METTL15: variants seen among roughly 807,000 people sequenced by gnomAD.
The protein encoded by METTL15 is methyltransferase 15, mitochondrial 12S rRNA N4-cytidine.
METTL15 carries 34 observed loss-of-function variants against 38.3 expected under a neutral mutation model. The ratio of observed to expected loss-of-function variants is 0.89; its 90% CI spans 0.68 to 1.18. METTL15 has a LOEUF of 1.18. METTL15 is among the 50% of genes most tolerant of loss of function. The pLI is 0.00. For missense variants in METTL15, 438 were observed against 498.4 expected (o/e 0.88, Z 1.15); for synonymous variants, 162 against 170.9 (o/e 0.95, Z 0.41).
At chr11:28,293,004 T>G (rs1206139664) in intron 5 of METTL15, among the ~76,000 whole-genome samples, 3 of 152,054 alleles carry the variant, frequency 2.0e-5, no homozygotes, top group African/African-American at 7.3e-5. Context: ...ATTCTGTAGG[T>G]TGCCTGTTCA....
At chr11:28,290,083 T>A (rs1049014070) in intron 4 of METTL15, 123 bp from the exon 5 acceptor site, 18 of 818,246 alleles carry the variant, frequency 2.2e-5, no homozygotes, top group Admixed American at 3.2e-5. Context: ...CACTAAGCAC[T>A]CAATAAATAT....
At position 28,156,056 on chromosome 11, in the gene METTL15, A is replaced by T. The variant is rs538637231; in HGVS notation, c.270+42452A>T. Among the ~76,000 whole-genome samples the T allele has an allele frequency of 2.0e-3, 298 of 152,258 alleles. 4 individuals carry two copies. The highest frequency in any genetic ancestry group is 7.0e-3 in the African/African-American group (289 of 41,562). On this transcript the variant is annotated intron_variant, in intron 3 of 6. Coordinates refer to ENST00000407364, the MANE Select transcript of METTL15 (RefSeq NM_001113528.2). Reference sequence around the variant, plus strand: ...AATAAATGTAAATTTCTTCTTTAAGATTAATATTTTGCTTGGAAAGTTTTG... The same window carrying T: ...AATAAATGTAAATTTCTTCTTTAAGTTTAATATTTTGCTTGGAAAGTTTTG...
At chr11:28,261,651 T>C (rs903252039) in intron 4 of METTL15, 5 of 152,198 alleles carry the variant, frequency 3.3e-5, no homozygotes, top group Admixed American at 6.5e-5. Flanking sequence ...ATACCACCCG[T>C]AACTGAAGAT....
intron 6 of METTL15, among the ~76,000 whole-genome samples, chr11:28,442,979 A>G (rs892540964): frequency 7.2e-5 from 11 of 152,210 alleles, no homozygotes; most frequent in African/African-American, 2.7e-4. Context: ...ATTTGCATAC[A>G]GTGAAATGCA....
chr11:28,248,192 T>C (rs984817945), intron 4 of METTL15, among the ~76,000 whole-genome samples: 1 of 152,096 alleles, frequency 6.6e-6, no homozygotes, highest in Non-Finnish European at 1.5e-5. Context: ...TTTCTTCTCT[T>C]TGCATAGTTG....
At chr11:28,484,603 A>C (rs1029623817) in intron 6 of METTL15, among the ~76,000 whole-genome samples, 4 of 152,020 alleles carry the variant, frequency 2.6e-5, no homozygotes, top group Non-Finnish European at 5.9e-5. Context: ...TTGGCTCTGC[A>C]TCATAGCTGT....
chr11:28,177,329 A>T (rs1045530734), intron 3 of METTL15, among the ~76,000 whole-genome samples: 11 of 152,004 alleles, frequency 7.2e-5, no homozygotes, highest in South Asian at 2.1e-4. Context: ...TTAGATTTTT[A>T]AAAAAAGTAC....
At chr11:28,161,122 T>TTG (rs1280887937) in intron 3 of METTL15, among the ~76,000 whole-genome samples, 1 of 145,882 alleles carries the variant, frequency 6.9e-6, no homozygotes. Flanking sequence ...TTTTTTTTTT[T>TTG]TTTTGTTTTT....
chr11:28,142,833 G>A (rs899080938), intron 3 of METTL15, among the ~76,000 whole-genome samples: 1 of 152,096 alleles, frequency 6.6e-6, no homozygotes, highest in Non-Finnish European at 1.5e-5. Flanking sequence ...ATTGCCTAGT[G>A]GAAAATAGAT....
At chr11:28,249,792 A>G (rs1425224632) in intron 4 of METTL15, among the ~76,000 whole-genome samples, 1 of 151,892 alleles carries the variant, frequency 6.6e-6, no homozygotes, top group African/African-American at 2.4e-5. Flanking sequence ...ATTGCATGTC[A>G]TGGAGGTTTG....
intron 4 of METTL15, among the ~76,000 whole-genome samples, chr11:28,223,721 A>C (rs577005104): frequency 1.3e-5 from 2 of 152,272 alleles, no homozygotes; most frequent in East Asian, 3.9e-4. Flanking sequence ...GCTGAGTTTT[A>C]GGCTAACCCA....
At chr11:28,379,661 G>A (rs1429024378) in intron 5 of METTL15, among the ~76,000 whole-genome samples, 1 of 152,172 alleles carries the variant, frequency 6.6e-6, no homozygotes, top group Non-Finnish European at 1.5e-5. Flanking sequence ...TTCATGTACT[G>A]ATGAGAATAA....
intron 4 of METTL15, among the ~76,000 whole-genome samples, chr11:28,235,176 G>T (rs1853893512): frequency 6.6e-6 from 1 of 151,838 alleles, no homozygotes; most frequent in Admixed American, 6.6e-5. Context: ...TCTCTGTTTT[G>T]GTACCAGTAC....
chr11:28,205,796 A>G (rs1852313060), intron 3 of METTL15, among the ~76,000 whole-genome samples: 1 of 148,424 alleles, frequency 6.7e-6, no homozygotes, highest in Admixed American at 6.7e-5. Flanking sequence ...AATGATTGCC[A>G]TTCTAACTGG....
chr11:28,390,868 A>G (rs997049302), intron 5 of METTL15, among the ~76,000 whole-genome samples: 4 of 152,072 alleles, frequency 2.6e-5, no homozygotes, highest in Non-Finnish European at 5.9e-5. Context: ...TAAGCATGTA[A>G]TGTTCTTCCA....
At chr11:28,442,253 C>T (rs1003998177) in intron 6 of METTL15, among the ~76,000 whole-genome samples, 15 of 152,184 alleles carry the variant, frequency 9.9e-5, no homozygotes, top group African/African-American at 3.6e-4. Context: ...TGGGAATTTG[C>T]TCTGGGCTAT....
At chr11:28,113,233 T>G (rs1851789455) in intron 2 of METTL15, 85 bp from the exon 3 acceptor site, 1 of 902,832 alleles carries the variant, frequency 1.1e-6, no homozygotes, top group Non-Finnish European at 1.7e-6. Context: ...ATGTGCTAAA[T>G]ATTGCATATT....
intron 5 of METTL15, among the ~76,000 whole-genome samples, chr11:28,396,167 C>T (rs1484570672): frequency 6.6e-6 from 1 of 152,142 alleles, no homozygotes; most frequent in East Asian, 1.9e-4. Context: ...GGAAGCATTC[C>T]CTTTGCAAAC....
chr11:28,390,817 G>C (rs558587092), intron 5 of METTL15, among the ~76,000 whole-genome samples: 134 of 152,164 alleles, frequency 8.8e-4, no homozygotes, highest in Non-Finnish European at 1.7e-3. Flanking sequence ...AATTACCTTG[G>C]GCAGTATAGC....
Sources: gnomAD v4.1 joint callset for allele counts (sites outside exome capture counted in the v4.1 genomes callset) on GRCh38, gnomAD v4.1.1 for gene constraint, MANE v1.5 for transcripts, NCBI Gene and HGNC (gene_info 2026-07-23, HGNC 2026-07-21) for gene names.